Variants in OPCML observed in about 807,000 individuals in gnomAD.
OPCML encodes the protein opioid-binding protein/cell adhesion molecule.
OPCML carries 13 observed loss-of-function variants against 37.8 expected under a neutral mutation model. That is an observed-to-expected ratio of 0.34 (90% CI 0.22 to 0.55). The LOEUF (loss-of-function observed/expected upper bound fraction) is 0.55, where lower values mean the gene tolerates loss of function less well. OPCML is among the 20% of genes least tolerant of loss of function. OPCML has a pLI of 0.91. For missense variants in OPCML, 341 were observed against 435.6 expected (o/e 0.78, Z 1.93); for synonymous variants, 176 against 168.8 (o/e 1.04, Z -0.33).
At chr11:132,858,040 A>G (rs1189694378) in intron 2 of OPCML, among the ~76,000 whole-genome samples, 2 of 152,058 alleles carry the variant, frequency 1.3e-5, no homozygotes, top group African/African-American at 4.8e-5. Flanking sequence ...GGAGGGGAGG[A>G]CTCTGAAGAC....
chr11:133,034,308 GGTGT>G (rs71038514), intron 1 of OPCML, among the ~76,000 whole-genome samples: 100 of 143,530 alleles, frequency 7.0e-4, no homozygotes, highest in African/African-American at 1.7e-3. Context: ...TGTATGTATA[GGTGT>G]GTGTGTGTGT....
chr11:132,924,149 GTA>G (rs59095579), intron 2 of OPCML, among the ~76,000 whole-genome samples: 1 of 149,950 alleles, frequency 6.7e-6, no homozygotes, highest in Non-Finnish European at 1.5e-5. Context: ...GTGTGTGTGT[GTA>G]TGTGAAGAGG....
At chr11:133,373,856 T>G (rs1944740259) in intron 1 of OPCML, among the ~76,000 whole-genome samples, 1 of 152,158 alleles carries the variant, frequency 6.6e-6, no homozygotes, top group South Asian at 2.1e-4. Context: ...TTAAAAAGCT[T>G]CATAGTTTTC....
intron 1 of OPCML, among the ~76,000 whole-genome samples, chr11:133,371,019 A>G (rs1211370383): frequency 6.6e-6 from 1 of 152,246 alleles, no homozygotes; most frequent in East Asian, 1.9e-4. Flanking sequence ...GGACATGAAT[A>G]GATATTTCTC....
intron 4 of OPCML, among the ~76,000 whole-genome samples, chr11:132,464,682 A>T (rs530545102): frequency 6.6e-6 from 1 of 152,278 alleles, no homozygotes; most frequent in South Asian, 2.1e-4. Flanking sequence ...GGGGTTTTTC[A>T]AATTAACGCC....
chr11:133,082,949 G>C (rs1322784626), intron 1 of OPCML, among the ~76,000 whole-genome samples: 4 of 150,716 alleles, frequency 2.7e-5, no homozygotes, highest in Non-Finnish European at 5.9e-5. Context: ...TCGCGCCAGT[G>C]CCTCGCCGGG....
chr11:132,535,688 G>T (rs2096338807), intron 3 of OPCML, among the ~76,000 whole-genome samples: 1 of 152,186 alleles, frequency 6.6e-6, no homozygotes, highest in Admixed American at 6.5e-5. Flanking sequence ...AGGGGTTCAG[G>T]TCACCAGGAC....
At chr11:132,654,578 CCAAGAGAAGCTCCTCCT>C (rs774371577) in intron 3 of OPCML, among the ~76,000 whole-genome samples, 10 of 151,518 alleles carry the variant, frequency 6.6e-5, no homozygotes, top group East Asian at 1.9e-4. Flanking sequence ...AACATCATCC[CCAAGAGAAGCTCCTCCT>C]CAAGAGAAGC....
intron 1 of OPCML, among the ~76,000 whole-genome samples, chr11:133,152,798 A>G (rs1950005219): frequency 2.6e-5 from 4 of 152,124 alleles, no homozygotes; most frequent in Admixed American, 2.6e-4. Context: ...CTTTACAGCC[A>G]TCTAAGCCGA....
intron 1 of OPCML, among the ~76,000 whole-genome samples, chr11:133,258,778 G>T (rs773190413): frequency 1.3e-5 from 2 of 152,018 alleles, no homozygotes; most frequent in Non-Finnish European, 2.9e-5. Flanking sequence ...GCTACCCCCA[G>T]CACTGCCAGG....
chr11:133,237,563 G>A (rs115593141), intron 1 of OPCML, among the ~76,000 whole-genome samples: 39 of 152,324 alleles, frequency 2.6e-4, no homozygotes, highest in African/African-American at 9.1e-4. Context: ...ATCATTGCAA[G>A]AGGGAGGGTG....
Position 132,861,103 on chromosome 11 carries a change from G to A in OPCML, c.146+81823C>T, listed in dbSNP as rs551779319. Among the ~76,000 whole-genome samples, 20 of 152,216 alleles carry A rather than the reference G, an allele frequency of 1.3e-4. 1 individual carries two copies. In the South Asian group the frequency reaches 2.9e-3, roughly 22 times the overall value. ...TCCCAAAGTAGATATTTTCATTTGCGTTTTCACAGATGAAGGAATCAAAAC... is the reference window on the plus strand; with the variant it reads ...TCCCAAAGTAGATATTTTCATTTGCATTTTCACAGATGAAGGAATCAAAAC... On this transcript the variant is annotated intron_variant, in intron 2 of 7. Coordinates refer to ENST00000524381, the MANE Select transcript of OPCML (RefSeq NM_001012393.5).
At chr11:132,599,727 T>C (rs890980942) in intron 3 of OPCML, among the ~76,000 whole-genome samples, 2 of 152,228 alleles carry the variant, frequency 1.3e-5, no homozygotes, top group African/African-American at 4.8e-5. Flanking sequence ...ACTGTACATA[T>C]TGTTTTGTCA....
At chr11:132,850,516 GGTGTGTGTGTGT>G (rs66934308) in intron 2 of OPCML, among the ~76,000 whole-genome samples, 2 of 148,028 alleles carry the variant, frequency 1.4e-5, no homozygotes, top group Admixed American at 6.8e-5. Flanking sequence ...CTGTGGAAAG[GGTGTGTGTGTGT>G]GTGTGTGTGT....
chr11:132,944,096 G>A (rs1401533970), intron 1 of OPCML, among the ~76,000 whole-genome samples: 1 of 152,050 alleles, frequency 6.6e-6, no homozygotes, highest in Non-Finnish European at 1.5e-5. Flanking sequence ...CTGCGGGGAT[G>A]AGCCCGCACC....
At position 133,524,286 on chromosome 11, in the gene OPCML, C is replaced by T. The variant is rs868467733; in HGVS notation, c.61+7978G>A. 4.6e-5 allele frequency among the ~76,000 whole-genome samples: 7 copies of T among 152,344 alleles called. No homozygotes were observed. The South Asian group carries it at 1.2e-3, about 27-fold the overall frequency. On this transcript the variant is annotated intron_variant, in intron 1 of 7. Transcript: ENST00000524381. ...AAGTGAGTAGGTGCAAGAAGTGATA[C>T]AGCACCCTTTTTTATATCCTGTGAT...
chr11:133,091,376 C>T (rs2137052423), intron 1 of OPCML, among the ~76,000 whole-genome samples: 1 of 152,308 alleles, frequency 6.6e-6, no homozygotes, highest in Non-Finnish European at 1.5e-5. Context: ...AATGAGTCTC[C>T]CCCATACCAC....
chr11:133,240,544 C>T (rs955778029), intron 1 of OPCML, among the ~76,000 whole-genome samples: 6 of 152,164 alleles, frequency 3.9e-5, no homozygotes, highest in South Asian at 2.1e-4. Flanking sequence ...AGCTAGCAGC[C>T]GGCCCACCAG....
chr11:132,600,463 G>A (rs1937775251), intron 3 of OPCML, among the ~76,000 whole-genome samples: 1 of 152,148 alleles, frequency 6.6e-6, no homozygotes, highest in South Asian at 2.1e-4. Flanking sequence ...GATGACAAGT[G>A]GCTGTAGTTT....
Sources: allele counts gnomAD v4.1 joint callset (sites outside exome capture counted in the v4.1 genomes callset), GRCh38; gene constraint gnomAD v4.1.1; transcripts MANE v1.5; gene names NCBI Gene and HGNC (gene_info 2026-07-23, HGNC 2026-07-21).